Variants in SPSB4 observed in about 807,000 individuals in gnomAD.
SPSB4 encodes the protein SPRY domain-containing SOCS box protein 4.
In SPSB4, 21 loss-of-function variants were observed where a neutral mutation model predicts 20.9. That is an observed-to-expected ratio of 1.01 (90% CI 0.71 to 1.45). SPSB4 has a LOEUF of 1.45. Ranked by LOEUF, SPSB4 falls within the 40% of genes most tolerant of loss-of-function variation. The pLI, the probability that SPSB4 is intolerant of heterozygous loss-of-function variation, is 0.00. For synonymous variants in SPSB4, 207 were observed against 183.8 expected (o/e 1.13, Z -1.02); for missense variants, 399 against 399.2 (o/e 1.00, Z 0.00).
At chr3:141,068,679 A>G (rs527906045) in intron 2 of SPSB4, among the ~76,000 whole-genome samples, 3 of 152,344 alleles carry the variant, frequency 2.0e-5, no homozygotes, top group Admixed American at 2.0e-4. Flanking sequence ...GGTAGCACCA[A>G]TAATATGGTA....
In SPSB4 at chr3:141,128,035, A is replaced by G. The variant is rs545127431; in HGVS notation, c.695-19107A>G. ...GAATTGTTCAACTGGATGAGGAGGG[A>G]GGAGAAGAAAAAGAAGGCTGGTGGG... On this transcript the variant is annotated intron_variant, in intron 2 of 2. Transcript: ENST00000310546. 8.6e-5 allele frequency among the ~76,000 whole-genome samples: 13 copies of G among 151,396 alleles called. No individual in the cohort carries two copies. The South Asian group carries it at 2.5e-3, about 29-fold the overall frequency.
At chr3:141,060,796 T>C (rs968654579) in intron 1 of SPSB4, among the ~76,000 whole-genome samples, 1 of 152,260 alleles carries the variant, frequency 6.6e-6, no homozygotes, top group Non-Finnish European at 1.5e-5. Context: ...GTTATCCATT[T>C]TTTTGACCTT....
At chr3:141,070,658 C>T (rs761576923) in intron 2 of SPSB4, among the ~76,000 whole-genome samples, 10 of 152,152 alleles carry the variant, frequency 6.6e-5, no homozygotes, top group Non-Finnish European at 1.0e-4. Context: ...GGATTACAGG[C>T]GTGAGACACG....
chr3:141,125,103 C>G (rs913608098), intron 2 of SPSB4, among the ~76,000 whole-genome samples: 2 of 152,144 alleles, frequency 1.3e-5, no homozygotes, highest in Admixed American at 6.5e-5. Context: ...AGAAAAATGT[C>G]TCGACTTCCA....
chr3:141,066,617 T>C lies in SPSB4; in HGVS notation c.513T>C (p.Phe171=). The change falls in exon 2 of 3, where the codon TTT becomes TTC. Residue 171 remains phenylalanine (F), a synonymous_variant. Transcript: ENST00000310546. ...CCTTTCTGGGGCCCGACGAGGCCTTTGCGCTGCCCGACTCGCTGCTCGTGG... is the reference window on the plus strand; with the variant it reads ...CCTTTCTGGGGCCCGACGAGGCCTTCGCGCTGCCCGACTCGCTGCTCGTGG... ...YPAFLGPDEA[F]ALPDSLLVVL... 6 of 1,603,226 alleles carry C rather than the reference T, an allele frequency of 3.7e-6. No individual in the cohort carries two copies. The highest frequency in any genetic ancestry group is 5.1e-6 in the Non-Finnish European group (6 of 1,174,908).
chr3:141,103,358 C>G (rs1454812082), intron 2 of SPSB4, among the ~76,000 whole-genome samples: 2 of 152,122 alleles, frequency 1.3e-5, no homozygotes, highest in East Asian at 1.9e-4. Flanking sequence ...AGGGGCCCCA[C>G]GACAGGGAGC....
chr3:141,059,752 G>T (rs1413135700), intron 1 of SPSB4, among the ~76,000 whole-genome samples: 2 of 151,846 alleles, frequency 1.3e-5, no homozygotes, highest in East Asian at 3.9e-4. Flanking sequence ...ACATTCAAGT[G>T]GTGAAATGGC....
chr3:141,070,812 G>A (rs373029811), intron 2 of SPSB4, among the ~76,000 whole-genome samples: 1 of 152,226 alleles, frequency 6.6e-6, no homozygotes, highest in Admixed American at 6.5e-5. Flanking sequence ...GCGACACTAC[G>A]AGTAACTGAG....
At chr3:141,142,803 CTTTTTTTTTTTTTTT>C (rs57674247) in intron 2 of SPSB4, among the ~76,000 whole-genome samples, 5 of 61,992 alleles carry the variant, frequency 8.1e-5, no homozygotes, top group East Asian at 5.7e-4. Context: ...CCCTCTTTGT[CTTTTTTTTTTTTTTT>C]TTTTTTTTTT....
At chr3:141,133,010 GAGTA>G (rs57435411) in intron 2 of SPSB4, among the ~76,000 whole-genome samples, 2,086 of 152,244 alleles carry the variant, frequency 0.014, 49 homozygotes, top group African/African-American at 0.048. Context: ...ATTCTTGCAG[GAGTA>G]AGTATTTCAT....
At chr3:141,080,035 A>G (rs1228314503) in intron 2 of SPSB4, among the ~76,000 whole-genome samples, 2 of 152,086 alleles carry the variant, frequency 1.3e-5, no homozygotes, top group South Asian at 2.1e-4. Context: ...GTTATACACA[A>G]TCTCATTTTA....
At position 141,112,644 on chromosome 3, in the gene SPSB4, C is replaced by CAAAAAAAAAAAAAAAA. The variant is rs60396514; in HGVS notation, c.695-34488_695-34473dup. The stretch of plus-strand genomic sequence containing the variant: ...TGGGCGACAGAGCGAGACTCCGTCT[C>CAAAAAAAAAAAAAAAA]AAAAAAAAAAAAAAAAAAAAAAAAA... On this transcript the variant is annotated intron_variant, in intron 2 of 2. Coordinates refer to ENST00000310546, the MANE Select transcript of SPSB4 (RefSeq NM_080862.3). 5.2e-4 allele frequency among the ~76,000 whole-genome samples: 17 copies of CAAAAAAAAAAAAAAAA among 32,874 alleles called. 1 individual carries two copies. The highest frequency in any genetic ancestry group is 1.0e-3 in the African/African-American group (9 of 8,662). 21.6% of individuals were successfully genotyped at this position (32,874 alleles called of 152,430 possible).
chr3:141,109,972 G>A (rs767256269), intron 2 of SPSB4, among the ~76,000 whole-genome samples: 13 of 152,050 alleles, frequency 8.5e-5, no homozygotes, highest in East Asian at 1.9e-4. Flanking sequence ...GAGAATCTCC[G>A]CCCCACAGCC....
intron 1 of SPSB4, among the ~76,000 whole-genome samples, chr3:141,057,456 T>C (rs7651293): frequency 0.79 from 120,388 of 152,166 alleles, 50,938 homozygotes; most frequent in Non-Finnish European, 0.96. Flanking sequence ...CATTCTTAAG[T>C]GTTGGTTCTT....
At chr3:141,074,623 A>G (rs1938069190) in intron 2 of SPSB4, among the ~76,000 whole-genome samples, 1 of 152,158 alleles carries the variant, frequency 6.6e-6, no homozygotes, top group East Asian at 1.9e-4. Context: ...TTCCGGCTGC[A>G]TGTCTTATTC....
At chr3:141,138,386 G>T (rs568090225) in intron 2 of SPSB4, among the ~76,000 whole-genome samples, 106 of 152,264 alleles carry the variant, frequency 7.0e-4, no homozygotes, top group African/African-American at 2.5e-3. Context: ...GCTTTTGAAT[G>T]TGTTTGCTCT....
chr3:141,071,230 C>G (rs1282388673), intron 2 of SPSB4, among the ~76,000 whole-genome samples: 1 of 152,204 alleles, frequency 6.6e-6, no homozygotes, highest in Non-Finnish European at 1.5e-5. Flanking sequence ...GGGCTGCTTT[C>G]TGGAATTGCT....
At chr3:141,093,061 G>C (rs997873019) in intron 2 of SPSB4, among the ~76,000 whole-genome samples, 23 of 152,140 alleles carry the variant, frequency 1.5e-4, no homozygotes, top group African/African-American at 5.1e-4. Flanking sequence ...TGGCAGTGGG[G>C]CTGAGACCGC....
intron 2 of SPSB4, among the ~76,000 whole-genome samples, chr3:141,135,920 T>A (rs1939220351): frequency 6.6e-6 from 1 of 152,230 alleles, no homozygotes; most frequent in Non-Finnish European, 1.5e-5. Context: ...ATCGCCACAC[T>A]GATTTCCACA....
Sources: gnomAD v4.1 joint callset for allele counts (sites outside exome capture counted in the v4.1 genomes callset) on GRCh38, gnomAD v4.1.1 for gene constraint, MANE v1.5 for transcripts, NCBI Gene and HGNC (gene_info 2026-07-23, HGNC 2026-07-21) for gene names.